The following MAP3K5 variants were observed in gnomAD, a reference collection of about 807,000 sequenced individuals.
MAP3K5 encodes ASK-1.
MAP3K5 carries 56 observed loss-of-function variants against 158.7 expected under a neutral mutation model. The ratio of observed to expected loss-of-function variants is 0.35; its 90% CI spans 0.28 to 0.44. The LOEUF (loss-of-function observed/expected upper bound fraction) is 0.44. Among genes scored for constraint, MAP3K5 ranks in the 20% least tolerant of loss-of-function variants. The pLI is 1.00. For missense variants in MAP3K5, 1,294 were observed against 1,674.8 expected (o/e 0.77, Z 3.97); for synonymous variants, 579 against 601.7 (o/e 0.96, Z 0.55).
chr6:136,676,948 C>T (rs562852952), intron 7 of MAP3K5, among the ~76,000 whole-genome samples: 17 of 151,052 alleles, frequency 1.1e-4, no homozygotes, highest in African/African-American at 3.6e-4. Flanking sequence ...CACGCCACCA[C>T]GCCCAGCTAA....
At chr6:136,734,697 T>C (rs534865498) in intron 1 of MAP3K5, among the ~76,000 whole-genome samples, 1 of 152,326 alleles carries the variant, frequency 6.6e-6, no homozygotes, top group South Asian at 2.1e-4. Flanking sequence ...TACAGTTTTA[T>C]TGTGGTTAAG....
chr6:136,700,512 T>C (rs1222949236), intron 3 of MAP3K5, among the ~76,000 whole-genome samples: 1 of 152,238 alleles, frequency 6.6e-6, no homozygotes. Flanking sequence ...AAGTTATTTA[T>C]GAACACATGC....
intron 25 of MAP3K5, among the ~76,000 whole-genome samples, chr6:136,569,491 C>A (rs57807988): frequency 2.5e-3 from 375 of 152,352 alleles, no homozygotes; most frequent in African/African-American, 8.5e-3. Flanking sequence ...ACTCTTCAGT[C>A]AAAGCTTAAC....
intron 9 of MAP3K5, 40 bp from the exon 10 acceptor site, chr6:136,656,500 T>G (rs1298968511): frequency 3.1e-6 from 4 of 1,306,610 alleles, no homozygotes; most frequent in Non-Finnish European, 4.2e-6. Flanking sequence ...CAGACAAATT[T>G]AGAACCACCT....
Position 136,560,950 on chromosome 6 carries a change from T to TATAAAATAAAATAAAATAAA in MAP3K5, c.3987+563_3987+582dup, listed in dbSNP as rs375236222. 4.6e-3 allele frequency among the ~76,000 whole-genome samples: 665 copies of TATAAAATAAAATAAAATAAA among 144,748 alleles called. 7 individuals are homozygous for TATAAAATAAAATAAAATAAA. The highest frequency in any genetic ancestry group is 0.014 in the African/African-American group (518 of 38,016). 95.0% of individuals were successfully genotyped at this position (144,748 alleles called of 152,430 possible). A position where few individuals can be genotyped will look rare whatever the true frequency, so the allele number is the denominator to read the frequency against. ...GAGCGAGACCTTGTCTCCAAAAAAA[T>TATAAAATAAAATAAAATAAA]ATAAAATAAAATAAAATAAAATAAA... On this transcript the variant is annotated intron_variant, in intron 28 of 29. Transcript: ENST00000359015.
At chr6:136,788,874 G>A (rs1041694074) in intron 1 of MAP3K5, among the ~76,000 whole-genome samples, 8 of 152,282 alleles carry the variant, frequency 5.3e-5, no homozygotes, top group East Asian at 3.9e-4. Context: ...CTGAACTACC[G>A]TTCGACCCAG....
At chr6:136,757,302 C>A (rs1021190723) in intron 1 of MAP3K5, among the ~76,000 whole-genome samples, 3 of 152,158 alleles carry the variant, frequency 2.0e-5, no homozygotes, top group East Asian at 1.9e-4. Context: ...AGCAACCCAG[C>A]CAAATACAAC....
chr6:136,574,327 C>T (rs1408757596), intron 25 of MAP3K5, among the ~76,000 whole-genome samples: 4 of 152,216 alleles, frequency 2.6e-5, no homozygotes, highest in Non-Finnish European at 4.4e-5. Flanking sequence ...GCTCCTCGTA[C>T]GTACACAATG....
chr6:136,603,393 G>A (rs1018270781), intron 19 of MAP3K5, among the ~76,000 whole-genome samples: 40 of 150,346 alleles, frequency 2.7e-4, no homozygotes, highest in Middle Eastern at 3.4e-3. Context: ...GGCCAGGCTG[G>A]TCTTGAACTC....
At position 136,671,805 on chromosome 6, in the gene MAP3K5, T is replaced by A. The variant is rs538847876; in HGVS notation, c.1254-2410A>T. Among the ~76,000 whole-genome samples, 715 of 151,400 alleles carry A rather than the reference T, an allele frequency of 4.7e-3. 6 individuals carry two copies. Among genetic ancestry groups the A allele is most frequent in the African/African-American group, 0.016 (666 of 41,316 alleles). ...ATTTTTTTGTATTTTTTTTTTTTTT[T>A]AGTAGAGATGGGGTTTTGCCATGTG... is the stretch of plus-strand genomic sequence containing the variant. On this transcript the variant is annotated intron_variant, in intron 7 of 29. Transcript: ENST00000359015.
At chr6:136,718,834 G>A (rs1455665911) in intron 2 of MAP3K5, among the ~76,000 whole-genome samples, 1 of 152,120 alleles carries the variant, frequency 6.6e-6, no homozygotes, top group Non-Finnish European at 1.5e-5. Context: ...AAAAAATGTA[G>A]AAAGTAAAAA....
At chr6:136,675,456 T>C (rs1583397535) in intron 7 of MAP3K5, among the ~76,000 whole-genome samples, 1 of 152,104 alleles carries the variant, frequency 6.6e-6, no homozygotes, top group Non-Finnish European at 1.5e-5. Flanking sequence ...TCTCTCACCA[T>C]AATATAATTA....
chr6:136,672,373 T>C (rs1700957428), intron 7 of MAP3K5, among the ~76,000 whole-genome samples: 1 of 152,228 alleles, frequency 6.6e-6, no homozygotes, highest in Non-Finnish European at 1.5e-5. Context: ...TTGTCTTTCA[T>C]GGGGCATTTG....
chr6:136,746,902 A>G (rs1782986959), intron 1 of MAP3K5, among the ~76,000 whole-genome samples: 1 of 152,182 alleles, frequency 6.6e-6, no homozygotes, highest in African/African-American at 2.4e-5. Flanking sequence ...TTTTTATACA[A>G]ATGCAAAATC....
At chr6:136,607,603 A>G (rs1776157030) in intron 18 of MAP3K5, among the ~76,000 whole-genome samples, 1 of 152,264 alleles carries the variant, frequency 6.6e-6, no homozygotes. Flanking sequence ...ACATATCTGC[A>G]TTCTAAAGTT....
At position 136,675,035 on chromosome 6, in the gene MAP3K5, G is replaced by A. The variant is rs116484922; in HGVS notation, c.1254-5640C>T. 8.5e-3 allele frequency among the ~76,000 whole-genome samples: 1,297 copies of A among 151,900 alleles called. 18 individuals carry two copies. The highest frequency in any genetic ancestry group is 0.03 in the African/African-American group (1,227 of 41,496). On this transcript the variant is annotated intron_variant, in intron 7 of 29. Transcript: ENST00000359015. ...TGTACCATCCAAATATTAAATAAAT[G>A]TTATCATTATATATTAATATCAGAC...
intron 1 of MAP3K5, among the ~76,000 whole-genome samples, chr6:136,783,757 A>G (rs1038327254): frequency 6.6e-6 from 1 of 152,222 alleles, no homozygotes; most frequent in African/African-American, 2.4e-5. Flanking sequence ...TGGAGTCAGT[A>G]GCCAATAATG....
chr6:136,751,070 G>A lies in MAP3K5; in HGVS notation c.449-30481C>T, dbSNP rs370474328. 4.0e-4 allele frequency among the ~76,000 whole-genome samples: 60 copies of A among 150,632 alleles called. 2 individuals carry two copies. Among genetic ancestry groups the A allele is most frequent in the Admixed American group, 9.3e-4 (14 of 15,128 alleles). ...CCCACTTTTTCACCACTTCATCCCCGAGTAGCATTCTTTTGCTCTAATGCA... is the reference window on the plus strand; with the variant it reads ...CCCACTTTTTCACCACTTCATCCCCAAGTAGCATTCTTTTGCTCTAATGCA... On this transcript the variant is annotated intron_variant, in intron 1 of 29. Coordinates refer to ENST00000359015, the MANE Select transcript of MAP3K5 (RefSeq NM_005923.4).
intron 25 of MAP3K5, among the ~76,000 whole-genome samples, chr6:136,575,679 T>G (rs1180688170): frequency 6.6e-6 from 1 of 152,194 alleles, no homozygotes; most frequent in African/African-American, 2.4e-5. Flanking sequence ...TTATTTGAGG[T>G]TCACTGACGT....
Sources: allele counts gnomAD v4.1 joint callset (sites outside exome capture counted in the v4.1 genomes callset), GRCh38; gene constraint gnomAD v4.1.1; transcripts MANE v1.5; gene names NCBI Gene and HGNC (gene_info 2026-07-23, HGNC 2026-07-21).